Variants in NPAS3 observed in about 807,000 individuals in gnomAD.
NPAS3 encodes the protein neuronal PAS domain protein 3.
In NPAS3, 14 loss-of-function variants were observed where a neutral mutation model predicts 73.1. The observed-to-expected ratio is 0.19, with a 90% CI of 0.13 to 0.30. NPAS3 has a LOEUF of 0.30. Ranked by LOEUF, NPAS3 falls within the 10% of genes least tolerant of loss-of-function variation. NPAS3 has a pLI of 1.00. For synonymous variants in NPAS3, 620 were observed against 541.5 expected (o/e 1.14, Z -2.01); for missense variants, 1,096 against 1,250.0 (o/e 0.88, Z 1.86).
At chr14:33,431,710 A>G (rs1057235039) in intron 4 of NPAS3, among the ~76,000 whole-genome samples, 56 of 152,278 alleles carry the variant, frequency 3.7e-4, no homozygotes, top group African/African-American at 1.2e-3. Flanking sequence ...TTGAATGTGA[A>G]CTGTAAGGTT....
chr14:33,018,949 C>A lies in NPAS3; in HGVS notation c.51-36956C>A, dbSNP rs148708790. Among the ~76,000 whole-genome samples the A allele has an allele frequency of 3.1e-3, 470 of 151,802 alleles. 3 individuals are homozygous for A. Among genetic ancestry groups the A allele is most frequent in the African/African-American group, 0.011 (435 of 41,378 alleles). Reference sequence around the variant, plus strand: ...AGTGCAAATTTATAAAAAAAAAAACCTTTCACATGAAAAGCTACTTGATAT... The same window carrying A: ...AGTGCAAATTTATAAAAAAAAAAACATTTCACATGAAAAGCTACTTGATAT... On this transcript the variant is annotated intron_variant, in intron 1 of 11. Coordinates refer to ENST00000356141, the Ensembl canonical transcript of NPAS3.
chr14:33,649,233 T>G (rs575504009), intron 5 of NPAS3, among the ~76,000 whole-genome samples: 1 of 152,338 alleles, frequency 6.6e-6, no homozygotes, highest in African/African-American at 2.4e-5. Context: ...ACACCTGTTC[T>G]CAAATACTCA....
chr14:33,751,572 A>G (rs987084127), intron 7 of NPAS3, among the ~76,000 whole-genome samples: 1 of 152,228 alleles, frequency 6.6e-6, no homozygotes, highest in Non-Finnish European at 1.5e-5. Context: ...ACCATTAGGT[A>G]TCTAGATTAT....
In NPAS3 at chr14:32,977,194, G is replaced by A. The variant is rs144217651; in HGVS notation, c.50+37828G>A. ...TCCCATAGGTAAACTTTCATTTTCC[G>A]TATTTTGGAGCTGGCATCAAGACTT... On this transcript the variant is annotated intron_variant, in intron 1 of 11. Transcript: ENST00000356141. Among the ~76,000 whole-genome samples, 923 of 151,944 alleles carry A rather than the reference G, an allele frequency of 6.1e-3. 16 individuals carry two copies. The highest frequency in any genetic ancestry group is 0.021 in the African/African-American group (877 of 41,436).
intron 3 of NPAS3, among the ~76,000 whole-genome samples, chr14:33,265,731 G>T (rs2040784239): frequency 6.6e-6 from 1 of 151,822 alleles, no homozygotes. Flanking sequence ...TGGGGCCCAA[G>T]CTTGTGACTA....
intron 2 of NPAS3, among the ~76,000 whole-genome samples, chr14:33,184,494 A>T (rs1054709019): frequency 6.6e-6 from 1 of 152,152 alleles, no homozygotes; most frequent in Non-Finnish European, 1.5e-5. Flanking sequence ...GTTTCTGAGT[A>T]GGAGAGAGAC....
At chr14:33,086,596 A>C (rs993683520) in intron 2 of NPAS3, among the ~76,000 whole-genome samples, 1 of 152,192 alleles carries the variant, frequency 6.6e-6, no homozygotes, top group Non-Finnish European at 1.5e-5. Flanking sequence ...AAGCACAATC[A>C]CGTAAAATCT....
At chr14:33,494,126 T>C (rs187073661) in intron 4 of NPAS3, among the ~76,000 whole-genome samples, 18 of 152,236 alleles carry the variant, frequency 1.2e-4, no homozygotes, top group East Asian at 3.9e-4. Context: ...CTCCAAATTA[T>C]ATTGTGTCAG....
intron 3 of NPAS3, among the ~76,000 whole-genome samples, chr14:33,305,142 A>G (rs929474855): frequency 2.0e-5 from 3 of 152,088 alleles, no homozygotes; most frequent in African/African-American, 7.2e-5. Flanking sequence ...GATTAGGGCT[A>G]ATCCAATGGA....
chr14:33,143,413 C>T (rs1001353896), intron 2 of NPAS3, among the ~76,000 whole-genome samples: 1 of 152,024 alleles, frequency 6.6e-6, no homozygotes, highest in African/African-American at 2.4e-5. Context: ...ATCGCTTGGT[C>T]CCGGGAGGCA....
At chr14:32,974,512 G>T (rs1329990960) in intron 1 of NPAS3, among the ~76,000 whole-genome samples, 4 of 152,184 alleles carry the variant, frequency 2.6e-5, no homozygotes, top group South Asian at 2.1e-4. Flanking sequence ...CAGATAATCA[G>T]AAAAATTGGC....
chr14:32,957,187 C>T (rs2036704856), intron 1 of NPAS3, among the ~76,000 whole-genome samples: 1 of 151,960 alleles, frequency 6.6e-6, no homozygotes, highest in Non-Finnish European at 1.5e-5. Context: ...CCAGAAAAAG[C>T]TATGTAAATA....
intron 5 of NPAS3, among the ~76,000 whole-genome samples, chr14:33,651,682 A>G (rs991125486): frequency 2.0e-5 from 3 of 151,266 alleles, no homozygotes; most frequent in Non-Finnish European, 4.4e-5. Context: ...TACATTAAGG[A>G]TAATAATACC....
At chr14:33,025,422 C>G (rs895523401) in intron 1 of NPAS3, among the ~76,000 whole-genome samples, 31 of 152,178 alleles carry the variant, frequency 2.0e-4, no homozygotes, top group Admixed American at 1.8e-3. Flanking sequence ...TTCTTTCTGC[C>G]TAACCTGACC....
intron 6 of NPAS3, among the ~76,000 whole-genome samples, chr14:33,688,369 A>G (rs959167902): frequency 2.6e-5 from 4 of 152,200 alleles, no homozygotes; most frequent in African/African-American, 7.2e-5. Flanking sequence ...AGCCTTTCCC[A>G]ATGTGTTTGA....
chr14:33,080,086 T>C (rs909428786), intron 2 of NPAS3, among the ~76,000 whole-genome samples: 1 of 152,094 alleles, frequency 6.6e-6, no homozygotes, highest in Admixed American at 6.5e-5. Context: ...AATGGACATA[T>C]AGTCCAATCT....
intron 4 of NPAS3, among the ~76,000 whole-genome samples, chr14:33,457,927 T>C (rs2050095240): frequency 6.6e-6 from 1 of 152,180 alleles, no homozygotes; most frequent in African/African-American, 2.4e-5. Context: ...CCTGAAGTCT[T>C]TGTATGTAAT....
At chr14:33,284,471 G>C (rs1401806526) in intron 3 of NPAS3, among the ~76,000 whole-genome samples, 2 of 152,050 alleles carry the variant, frequency 1.3e-5, no homozygotes, top group Non-Finnish European at 2.9e-5. Flanking sequence ...GTACATGCAG[G>C]TCAGTATGAG....
intron 3 of NPAS3, among the ~76,000 whole-genome samples, chr14:33,248,530 A>G (rs998195284): frequency 3.3e-5 from 5 of 152,204 alleles, no homozygotes; most frequent in African/African-American, 1.2e-4. Context: ...ATGCTTTTGT[A>G]TAGGCTCAGG....
Sources: gnomAD v4.1 joint callset for allele counts (sites outside exome capture counted in the v4.1 genomes callset) on GRCh38, gnomAD v4.1.1 for gene constraint, MANE v1.5 for transcripts, NCBI Gene and HGNC (gene_info 2026-07-23, HGNC 2026-07-21) for gene names.